Variants in ADA2 observed in about 807,000 individuals in gnomAD.
ADA2 encodes adenosine deaminase CECR1.
A neutral mutation model predicts 44.2 loss-of-function variants in ADA2; 29 were observed. That is an observed-to-expected ratio of 0.66 (90% CI 0.49 to 0.89). The LOEUF is 0.89. Ranked by LOEUF, ADA2 falls within the 40% of genes least tolerant of loss-of-function variation. The pLI, the probability that ADA2 is intolerant of heterozygous loss-of-function variation, is 0.00. For missense variants in ADA2, 637 were observed against 644.8 expected (o/e 0.99, Z 0.13); for synonymous variants, 215 against 234.9 (o/e 0.92, Z 0.77).
upstream of ADA2, among the ~76,000 whole-genome samples, chr22:17,221,128 G>A (rs1030535944): frequency 1.5e-4 from 22 of 150,744 alleles, no homozygotes; most frequent in African/African-American, 1.5e-4. Flanking sequence ...GGATGACAGA[G>A]TGAGATTTTG....
chr22:17,201,967 C>CTTTTTTTTTT (rs71200247), intron 4 of ADA2, among the ~76,000 whole-genome samples: 2 of 103,122 alleles, frequency 1.9e-5, no homozygotes, highest in Non-Finnish European at 3.7e-5. Context: ...TTTCTTTTTT[C>CTTTTTTTTTT]TTTTTTTTTT....
intron 1 of ADA2, among the ~76,000 whole-genome samples, chr22:17,215,500 G>C (rs2062460954): frequency 6.6e-6 from 1 of 151,996 alleles, no homozygotes. Flanking sequence ...CAGCTACTCA[G>C]GAGGCTGAGG....
chr22:17,219,665 G>GTTTTTTTTTTTTTTTTTTTTTTTTTTTT (rs71200249), upstream of ADA2: 2 of 71,996 alleles, frequency 2.8e-5, 1 homozygote. Flanking sequence ...TGTGGGGTTT[G>GTTTTTTTTTTTTTTTTTTTTTTTTTTTT]TTTTTTTTTT....
rs761776202 is a variant in ADA2 at position 17,209,396 on chromosome 22, C to G, written c.282G>C (p.Glu94Asp). 4.3e-6 allele frequency: 7 copies of G among 1,614,132 alleles called. No individual in the cohort carries two copies. In the South Asian group the frequency reaches 7.7e-5, roughly 18 times the overall value. ...TTAGAATATTAAACACTTGACTTCT[C>G]TCAATGAGATGCTTGGCCTGGAAAA... ...MHFFQAKHLI[E>D]RSQVFNILRM... The change falls in exon 2 of 10, where the codon GAG (glutamate) becomes GAC (aspartate). Residue 94 changes from glutamate (E) to aspartate (D), a missense_variant. Glu to Asp is a conservative substitution (Grantham distance 45, BLOSUM62 2). Transcript: ENST00000399837.
At chr22:17,210,956 A>G (rs1001940639) in intron 1 of ADA2, among the ~76,000 whole-genome samples, 3 of 152,214 alleles carry the variant, frequency 2.0e-5, no homozygotes, top group African/African-American at 7.2e-5. Flanking sequence ...AAGCGGGAGC[A>G]TCACTTGAGC....
intron 8 of ADA2, among the ~76,000 whole-genome samples, chr22:17,182,300 A>G (rs751167780): frequency 3.0e-4 from 46 of 151,956 alleles, no homozygotes; most frequent in Non-Finnish European, 4.4e-5. Context: ...ACCCCAAGAA[A>G]CCATGGGGAG....
In ADA2 at chr22:17,209,386, C is replaced by G; in HGVS notation, c.292G>C (p.Val98Leu). ...QAKHLIERSQ[V>L]FNILRMMPKG... ...GGCATCATCCTTAGAATATTAAACA[C>G]TTGACTTCTCTCAATGAGATGCTTG... Residue 98 changes from valine (V) to leucine (L), a missense_variant, in exon 2 of 10, where the codon GTG becomes CTG. Coordinates refer to ENST00000399837, the MANE Select transcript of ADA2 (RefSeq NM_001282225.2). The G allele has an allele frequency of 6.2e-7, 1 of 1,614,068 alleles. No individual in the cohort carries two copies. Among genetic ancestry groups the G allele is most frequent in the Non-Finnish European group, 8.5e-7 (1 of 1,180,032 alleles).
intron 3 of ADA2, among the ~76,000 whole-genome samples, chr22:17,205,158 C>T (rs777607318): frequency 6.6e-6 from 1 of 152,084 alleles, no homozygotes; most frequent in Non-Finnish European, 1.5e-5. Context: ...GCTGGGATTA[C>T]AGGTGGCTGC....
At chr22:17,199,181 G>A (rs1262509845) in intron 4 of ADA2, among the ~76,000 whole-genome samples, 2 of 152,004 alleles carry the variant, frequency 1.3e-5, no homozygotes, top group Admixed American at 6.6e-5. Context: ...AAGGTTGGCT[G>A]GGGGACGGGC....
In ADA2 at chr22:17,191,685, G is replaced by A. The variant is rs761708611; in HGVS notation, c.879C>T (p.His293=). 4.3e-6 allele frequency: 7 copies of A among 1,613,674 alleles called. No homozygotes were observed. The South Asian group carries it at 7.7e-5, about 18-fold the overall frequency. Residue 293 remains histidine, a splice_region_variant and synonymous_variant, in exon 5 of 10, where the codon CAC becomes CAT. Transcript: ENST00000399837. ...TTTTCAGCAATATTCTCTCTCACCT[G>A]TGATCCGAATAAATGATTTTGATTC... ...FIGIKIIYSD[H]RSKDVAVIAE...
rs928239647 is a variant in ADA2 at position 17,182,592 on chromosome 22, G to A, written c.1239+12C>T. The stretch of plus-strand genomic sequence containing the variant: ...GAGATCATATGGGATTAGCCACATG[G>A]GTCACACATACCTGGTTAGAGATGG... On this transcript the variant is annotated intron_variant, in intron 8 of 9. Transcript: ENST00000399837. 6.2e-7 allele frequency: 1 copy of A among 1,613,928 alleles called. No homozygotes were observed. Among genetic ancestry groups the A allele is most frequent in the Non-Finnish European group, 8.5e-7 (1 of 1,179,846 alleles).
intron 7 of ADA2, among the ~76,000 whole-genome samples, chr22:17,187,694 A>C (rs1258309041): frequency 2.0e-5 from 3 of 151,778 alleles, no homozygotes; most frequent in African/African-American, 7.3e-5. Context: ...AAGAAGAAGA[A>C]GGATTCAAAT....
rs3078427 is a variant in ADA2, at chr22:17,200,882, C to CAAAAAAAA, written c.753+2673_753+2680dup. Among the ~76,000 whole-genome samples the CAAAAAAAA allele has an allele frequency of 5.4e-4, 64 of 119,276 alleles. 1 individual carries two copies. The highest frequency in any genetic ancestry group is 4.5e-3 in the South Asian group (17 of 3,786). The allele number at this position is 119,276 out of a possible 152,430, so 78.2% of individuals were successfully genotyped here. ...GGGCAACAAGAGCGAAACTCTGCCT[C>CAAAAAAAA]AAAAAAAAAAAAAACATATCTAAGG... On this transcript the variant is annotated intron_variant, in intron 4 of 9. Coordinates refer to ENST00000399837, the MANE Select transcript of ADA2 (RefSeq NM_001282225.2).
intron 1 of ADA2, among the ~76,000 whole-genome samples, chr22:17,216,048 G>A (rs1396229953): frequency 5.3e-5 from 8 of 151,978 alleles, no homozygotes; most frequent in African/African-American, 1.5e-4. Context: ...TTAGTCAGGC[G>A]TGGTGGCGTG....
intron 5 of ADA2, 84 bp from the exon 6 acceptor site, chr22:17,190,116 G>A: frequency 8.9e-7 from 1 of 1,120,714 alleles, no homozygotes; most frequent in Non-Finnish European, 1.3e-6. Context: ...GTGCAGGGCT[G>A]GGCCAGCCCC....
chr22:17,193,056 C>T, intron 4 of ADA2: 1 of 785,740 alleles, frequency 1.3e-6, no homozygotes. Flanking sequence ...GTTCAAGGGC[C>T]AGATCTCGAT....
chr22:17,191,842 G>A (rs750304094), intron 4 of ADA2, 32 bp from the exon 5 acceptor site: 1 of 1,594,282 alleles, frequency 6.3e-7, no homozygotes, highest in South Asian at 1.1e-5. Flanking sequence ...GAGCCGTCAG[G>A]TGAGCAGTGA....
In ADA2 at chr22:17,207,168, C is replaced by T; in HGVS notation, c.445G>A (p.Ala149Thr). The T allele has an allele frequency of 1.9e-6, 3 of 1,614,206 alleles. No homozygotes were observed. Among genetic ancestry groups the T allele is most frequent in the South Asian group, 2.2e-5 (2 of 91,086 alleles). The change falls in exon 3 of 10, where the codon GCT (alanine) becomes ACT (threonine). Residue 149 changes from alanine (A) to threonine (T), a missense_variant. Physicochemically the swap from Ala to Thr is moderately conservative, Grantham distance 58. Coordinates refer to ENST00000399837, the MANE Select transcript of ADA2 (RefSeq NM_001282225.2). ...TPRGIMQFRFAHPTPRPSEKC... is the reference protein window; with the variant it reads ...TPRGIMQFRFTHPTPRPSEKC... Reference sequence around the variant, plus strand: ...TCTGATGGACGGGGAGTTGGGTGAGCAAATCTGAACTGCATGATCCCCCTT... The same window carrying T: ...TCTGATGGACGGGGAGTTGGGTGAGTAAATCTGAACTGCATGATCCCCCTT...
intron 4 of ADA2, among the ~76,000 whole-genome samples, chr22:17,202,256 A>AG (rs1168771602): frequency 6.6e-6 from 1 of 152,008 alleles, no homozygotes; most frequent in Admixed American, 6.6e-5. Flanking sequence ...CAGCCTCCCA[A>AG]GTAGCTAGAA....
Sources: gnomAD v4.1 joint callset for allele counts (sites outside exome capture counted in the v4.1 genomes callset) on GRCh38, gnomAD v4.1.1 for gene constraint, MANE v1.5 for transcripts, NCBI Gene and HGNC (gene_info 2026-07-23, HGNC 2026-07-21) for gene names.